Variants in FOCAD observed in about 807,000 individuals in gnomAD.
FOCAD encodes the protein focadhesin, also known as KIAA1797.
In FOCAD, 198 loss-of-function variants were observed where a neutral mutation model predicts 225.6. The ratio of observed to expected loss-of-function variants is 0.88; its 90% CI spans 0.78 to 0.99. FOCAD has a LOEUF of 0.99. FOCAD is among the 50% of genes least tolerant of loss of function. The pLI is 0.00. For missense variants in FOCAD, 2,713 were observed against 2,123.6 expected (o/e 1.28, Z -5.46); for synonymous variants, 897 against 755.0 (o/e 1.19, Z -3.08).
At chr9:20,733,478 G>A (rs759548274) in intron 4 of FOCAD, among the ~76,000 whole-genome samples, 17 of 151,862 alleles carry the variant, frequency 1.1e-4, no homozygotes, top group African/African-American at 3.4e-4. Context: ...TTAGCATTAG[G>A]TATATCTCCT....
chr9:20,695,281 C>G (rs935135919), intron 1 of FOCAD, among the ~76,000 whole-genome samples: 1 of 152,088 alleles, frequency 6.6e-6, no homozygotes, highest in Non-Finnish European at 1.5e-5. Context: ...GGTATTCTTA[C>G]TTTTAGTGAT....
intron 16 of FOCAD, among the ~76,000 whole-genome samples, chr9:20,864,947 A>T (rs76885517): frequency 3.9e-5 from 6 of 152,208 alleles, no homozygotes; most frequent in Non-Finnish European, 5.9e-5. Context: ...TTATTTGACA[A>T]ATATTTATGA....
chr9:20,829,889 T>C (rs1825312327), intron 15 of FOCAD, among the ~76,000 whole-genome samples: 1 of 152,140 alleles, frequency 6.6e-6, no homozygotes, highest in African/African-American at 2.4e-5. Context: ...CTGAGTACTT[T>C]CTATATAGTT....
At chr9:20,762,198 A>T (rs867753145) in intron 6 of FOCAD, among the ~76,000 whole-genome samples, 2 of 152,216 alleles carry the variant, frequency 1.3e-5, no homozygotes, top group African/African-American at 4.8e-5. Flanking sequence ...TTAAAGAGAG[A>T]TGGAGAAGGA....
intron 35 of FOCAD, among the ~76,000 whole-genome samples, chr9:20,974,737 T>A (rs796228153): frequency 2.1e-4 from 31 of 146,926 alleles, no homozygotes; most frequent in African/African-American, 7.6e-4. Context: ...TCTGTAGCTG[T>A]TTTTTTCCTG....
At chr9:20,841,076 C>G (rs1238270310) in intron 15 of FOCAD, among the ~76,000 whole-genome samples, 1 of 151,908 alleles carries the variant, frequency 6.6e-6, no homozygotes, top group East Asian at 1.9e-4. Context: ...ATAAATACCA[C>G]TTAGGATGAA....
At chr9:20,842,875 T>C (rs1826683741) in intron 15 of FOCAD, among the ~76,000 whole-genome samples, 2 of 152,114 alleles carry the variant, frequency 1.3e-5, no homozygotes, top group South Asian at 4.1e-4. Flanking sequence ...TTATTTTTTA[T>C]ATATCTCCTG....
intron 1 of FOCAD, among the ~76,000 whole-genome samples, chr9:20,695,520 C>T (rs189284684): frequency 1.0e-3 from 158 of 152,110 alleles, no homozygotes; most frequent in African/African-American, 3.5e-3. Flanking sequence ...CAGTTTTTTC[C>T]CTGTCCCCTC....
At chr9:20,680,228 T>G (rs1822361359), upstream of FOCAD, among the ~76,000 whole-genome samples, 1 of 152,242 alleles carries the variant, frequency 6.6e-6, no homozygotes, top group Non-Finnish European at 1.5e-5. Flanking sequence ...CCTGTTCTAA[T>G]GTTTTTTGTC....
chr9:20,779,511 C>T (rs1819145879), intron 9 of FOCAD, among the ~76,000 whole-genome samples: 1 of 152,118 alleles, frequency 6.6e-6, no homozygotes, highest in Admixed American at 6.5e-5. Context: ...CTTTGGGAGG[C>T]CGAAGTGGGT....
In FOCAD at chr9:20,749,029, T is replaced by C. The variant is rs568491861; in HGVS notation, c.392+8689T>C. Among the ~76,000 whole-genome samples, 181 of 152,230 alleles carry C rather than the reference T, an allele frequency of 1.2e-3. 1 individual carries two copies. Among genetic ancestry groups the C allele is most frequent in the African/African-American group, 4.2e-3 (173 of 41,546 alleles). On this transcript the variant is annotated intron_variant, in intron 5 of 43. Transcript: ENST00000338382. ...TTTGTTTGTCTCTAGGTGTTTTTTT[T>C]CCCCCAGTGATCATAGCACACAACT...
chr9:20,916,016 C>G (rs999451521), intron 23 of FOCAD, among the ~76,000 whole-genome samples: 147 of 152,226 alleles, frequency 9.7e-4, no homozygotes, highest in African/African-American at 3.4e-3. Flanking sequence ...GGAGGTGTTG[C>G]ACCTGTCTGA....
At chr9:20,727,983 C>T (rs564665808) in intron 4 of FOCAD, among the ~76,000 whole-genome samples, 2 of 152,248 alleles carry the variant, frequency 1.3e-5, no homozygotes, top group Non-Finnish European at 2.9e-5. Context: ...ACCCAGCATA[C>T]GTGAGCAGTG....
intron 36 of FOCAD, 49 bp from the exon 37 acceptor site, chr9:20,978,290 G>A (rs1394718779): frequency 4.0e-6 from 5 of 1,253,656 alleles, no homozygotes; most frequent in Middle Eastern, 4.0e-4. Context: ...CTGAAAATGA[G>A]TCAGGAAAGT....
intron 4 of FOCAD, among the ~76,000 whole-genome samples, chr9:20,721,411 G>C (rs1231241032): frequency 6.6e-6 from 1 of 151,978 alleles, no homozygotes; most frequent in Non-Finnish European, 1.5e-5. Flanking sequence ...TTATCAATTT[G>C]TGGAAAGATG....
Position 20,862,575 on chromosome 9 carries a change from C to T in FOCAD, c.1921-3C>T. 1 of 1,612,518 alleles carries T rather than the reference C, an allele frequency of 6.2e-7. No homozygotes were observed. Among genetic ancestry groups the T allele is most frequent in the Non-Finnish European group, 8.5e-7 (1 of 1,179,206 alleles). On this transcript the variant is annotated splice_polypyrimidine_tract_variant and splice_region_variant and intron_variant, in intron 15 of 43. Coordinates refer to ENST00000338382, the MANE Select transcript of FOCAD (RefSeq NM_001375567.1). The stretch of plus-strand genomic sequence containing the variant: ...GTGTTGACCTTTTCTATTTGCTTCA[C>T]AGGTTGTTTGCATTCGCTCCACTTG...
intron 40 of FOCAD, among the ~76,000 whole-genome samples, chr9:20,986,670 C>A (rs938529248): frequency 2.0e-5 from 3 of 152,210 alleles, no homozygotes; most frequent in Admixed American, 2.0e-4. Flanking sequence ...AGGATGGATT[C>A]TTTCGAGGGG....
chr9:20,898,200 AC>A (rs1488947390), intron 21 of FOCAD, among the ~76,000 whole-genome samples: 1 of 151,894 alleles, frequency 6.6e-6, no homozygotes, highest in African/African-American at 2.4e-5. Context: ...AATACAATAT[AC>A]AAATACCTAT....
chr9:20,991,084 G>A (rs968263807), intron 42 of FOCAD, among the ~76,000 whole-genome samples: 7 of 152,160 alleles, frequency 4.6e-5, no homozygotes, highest in African/African-American at 7.2e-5. Context: ...ATGACATTGC[G>A]TCATGTTGAG....
Sources: allele counts gnomAD v4.1 joint callset (sites outside exome capture counted in the v4.1 genomes callset), GRCh38; gene constraint gnomAD v4.1.1; transcripts MANE v1.5; gene names NCBI Gene and HGNC (gene_info 2026-07-23, HGNC 2026-07-21).